The following PTPRM variants were observed in gnomAD, a reference collection of about 807,000 sequenced individuals.
PTPRM encodes protein tyrosine phosphatase receptor type M, also known as receptor-type tyrosine-protein phosphatase mu.
Under a neutral mutation model 186.7 loss-of-function variants are expected in PTPRM, and 47 were observed. The observed-to-expected ratio is 0.25, with a 90% CI of 0.20 to 0.32. PTPRM has a LOEUF of 0.32. Among genes scored for constraint, PTPRM ranks in the 10% least tolerant of loss-of-function variants. The probability of loss-of-function intolerance (pLI) is 1.00; values close to 1 mark genes in which losing one functional copy is unlikely to be tolerated. For synonymous variants in PTPRM, 668 were observed against 674.9 expected, an observed-to-expected ratio of 0.99 and a Z score of 0.16; for missense variants, 1,494 against 1,865.0, an observed-to-expected ratio of 0.80 and a Z score of 3.66.
chr18:8,005,747 A>T (rs1263418199), intron 7 of PTPRM, among the ~76,000 whole-genome samples: 2 of 152,120 alleles, frequency 1.3e-5, no homozygotes, highest in African/African-American at 4.8e-5. Context: ...CTCTGATTAC[A>T]GTTCTCAAAG....
chr18:7,613,979 G>C (rs2037742072), intron 1 of PTPRM, among the ~76,000 whole-genome samples: 1 of 152,148 alleles, frequency 6.6e-6, no homozygotes, highest in Non-Finnish European at 1.5e-5. Context: ...TTGGAAAAAA[G>C]AGAATGACAC....
At chr18:8,193,638 G>A (rs1051472015) in intron 14 of PTPRM, among the ~76,000 whole-genome samples, 4 of 152,244 alleles carry the variant, frequency 2.6e-5, no homozygotes, top group African/African-American at 9.6e-5. Context: ...GTGTGGAGCA[G>A]AGAGCAGAAC....
At chr18:8,256,862 A>G (rs2094579451) in intron 19 of PTPRM, among the ~76,000 whole-genome samples, 1 of 152,246 alleles carries the variant, frequency 6.6e-6, no homozygotes, top group African/African-American at 2.4e-5. Flanking sequence ...GTCCTAAGGA[A>G]TACTATAACT....
At chr18:7,689,789 G>A (rs1208617131) in intron 1 of PTPRM, among the ~76,000 whole-genome samples, 3 of 152,166 alleles carry the variant, frequency 2.0e-5, no homozygotes, top group Non-Finnish European at 2.9e-5. Context: ...ATGGTAATAA[G>A]TATTATCTTT....
intron 7 of PTPRM, among the ~76,000 whole-genome samples, chr18:8,003,335 C>T (rs1227325208): frequency 6.6e-6 from 1 of 152,164 alleles, no homozygotes; most frequent in African/African-American, 2.4e-5. Context: ...TGTGAGGCCT[C>T]CCCAGCCATG....
intron 13 of PTPRM, among the ~76,000 whole-genome samples, chr18:8,116,924 A>C (rs1171305649): frequency 1.3e-5 from 2 of 152,204 alleles, no homozygotes; most frequent in African/African-American, 4.8e-5. Context: ...CTTTTGGGGA[A>C]AGAGGGACAC....
At chr18:8,352,428 C>A (rs11875935) in intron 23 of PTPRM, among the ~76,000 whole-genome samples, 42,072 of 151,940 alleles carry the variant, frequency 0.28, 6,504 homozygotes, top group Middle Eastern at 0.51. Context: ...GTTTTTAAAC[C>A]CTTTCCCTCC....
At chr18:8,295,374 C>T (rs2095085611) in intron 19 of PTPRM, among the ~76,000 whole-genome samples, 1 of 151,658 alleles carries the variant, frequency 6.6e-6, no homozygotes, top group East Asian at 1.9e-4. Flanking sequence ...GAGATGGAGA[C>T]CGGGGAGGAA....
At chr18:8,075,758 A>G (rs192538522) in intron 8 of PTPRM, among the ~76,000 whole-genome samples, 2 of 152,110 alleles carry the variant, frequency 1.3e-5, no homozygotes, top group African/African-American at 2.4e-5. Flanking sequence ...TATTTCATCT[A>G]TATCAACTTC....
Position 8,244,065 on chromosome 18 carries a change from G to T in PTPRM, c.2308G>T (p.Ala770Ser). ...VVLVMKKRKL[A>S]KKRKETMSST... Reference sequence around the variant, plus strand: ...TGAATTCTTTATCCTAAGGAAACTGGCCAAGAAGCGGAAAGAGACCATGAG... The same window carrying T: ...TGAATTCTTTATCCTAAGGAAACTGTCCAAGAAGCGGAAAGAGACCATGAG... The change falls in exon 15 of 33, where the codon GCC becomes TCC. Residue 770 changes from alanine (A) to serine (S), a missense_variant. Ala to Ser is a moderately conservative substitution (Grantham distance 99, BLOSUM62 1). Coordinates refer to ENST00000580170, the MANE Select transcript of PTPRM (RefSeq NM_001105244.2). 1 of 1,607,972 alleles carries T rather than the reference G, an allele frequency of 6.2e-7. No homozygotes were observed.
At chr18:7,874,925 GCTCATGCCTGTAATCCCAGCA>G (rs1203209922) in intron 2 of PTPRM, among the ~76,000 whole-genome samples, 2 of 152,220 alleles carry the variant, frequency 1.3e-5, no homozygotes, top group Non-Finnish European at 2.9e-5. Flanking sequence ...TGGCGCAGTG[GCTCATGCCTGTAATCCCAGCA>G]CTTTGGGAGT....
At chr18:7,829,716 T>C (rs539314825) in intron 2 of PTPRM, among the ~76,000 whole-genome samples, 1 of 152,160 alleles carries the variant, frequency 6.6e-6, no homozygotes. Context: ...ATAAAAACTT[T>C]CATGTGGTAC....
At chr18:8,359,095 T>TA (rs138565906) in intron 23 of PTPRM, among the ~76,000 whole-genome samples, 45,710 of 151,758 alleles carry the variant, frequency 0.3, 7,334 homozygotes, top group African/African-American at 0.43. Flanking sequence ...TATGTCCCTT[T>TA]AAAAAGACAA....
chr18:8,103,741 C>T (rs961909019), intron 11 of PTPRM, among the ~76,000 whole-genome samples: 2 of 152,206 alleles, frequency 1.3e-5, no homozygotes, highest in African/African-American at 4.8e-5. Flanking sequence ...CTTTTAATTT[C>T]CTTCAATAAC....
chr18:8,375,414 G>A (rs1453212125), intron 24 of PTPRM, among the ~76,000 whole-genome samples: 2 of 152,204 alleles, frequency 1.3e-5, no homozygotes, highest in Non-Finnish European at 2.9e-5. Flanking sequence ...CTAGCAATTG[G>A]ATGAATGGGT....
Position 8,314,761 on chromosome 18 carries a change from C to G in PTPRM, c.2843-20C>G. On this transcript the variant is annotated intron_variant, in intron 20 of 32. Coordinates refer to ENST00000580170, the MANE Select transcript of PTPRM (RefSeq NM_001105244.2). ...GATTGCTTTTGTTAATCGTTATTTTCTGTCCCTTTTCCTTTGCAGACGATC... is the reference window on the plus strand; with the variant it reads ...GATTGCTTTTGTTAATCGTTATTTTGTGTCCCTTTTCCTTTGCAGACGATC... 1.2e-6 allele frequency: 2 copies of G among 1,601,244 alleles called. No homozygotes were observed. Among genetic ancestry groups the G allele is most frequent in the Non-Finnish European group, 1.7e-6 (2 of 1,170,874 alleles).
chr18:7,597,717 G>A (rs771845365), intron 1 of PTPRM, among the ~76,000 whole-genome samples: 40 of 152,260 alleles, frequency 2.6e-4, no homozygotes, highest in Admixed American at 5.2e-4. Flanking sequence ...TACATAGCTC[G>A]CATATCCATT....
At chr18:8,034,026 G>C (rs1387993505) in intron 7 of PTPRM, among the ~76,000 whole-genome samples, 1 of 151,710 alleles carries the variant, frequency 6.6e-6, no homozygotes, top group Non-Finnish European at 1.5e-5. Flanking sequence ...CACTTCATTT[G>C]GTTTTCAAAT....
intron 2 of PTPRM, chr18:7,815,152 C>T (rs900620806): frequency 3.9e-5 from 6 of 152,300 alleles, no homozygotes; most frequent in Non-Finnish European, 8.8e-5. Flanking sequence ...CCTAGCCCAC[C>T]ACCTACTGCC....
Sources: allele counts gnomAD v4.1 joint callset (sites outside exome capture counted in the v4.1 genomes callset), GRCh38; gene constraint gnomAD v4.1.1; transcripts MANE v1.5; gene names NCBI Gene and HGNC (gene_info 2026-07-23, HGNC 2026-07-21).